The following CEP135 variants were observed in gnomAD, a reference collection of about 807,000 sequenced individuals.
CEP135 encodes centrosomal protein 135, also known as centrosomal protein of 135 kDa.
A neutral mutation model predicts 157.3 loss-of-function variants in CEP135; 142 were observed. The ratio of observed to expected loss-of-function variants is 0.90; its 90% CI spans 0.79 to 1.04. The LOEUF (loss-of-function observed/expected upper bound fraction) is 1.04. Ranked by LOEUF, CEP135 falls within the 50% of genes least tolerant of loss-of-function variation. The pLI is 0.00. For synonymous variants in CEP135, 396 were observed against 439.8 expected (o/e 0.90, Z 1.25); for missense variants, 1,317 against 1,309.2 (o/e 1.01, Z -0.09).
chr4:55,982,890 G>A (rs1278269543), intron 13 of CEP135, among the ~76,000 whole-genome samples: 1 of 151,854 alleles, frequency 6.6e-6, no homozygotes, highest in Non-Finnish European at 1.5e-5. Context: ...TACATATAAA[G>A]CACTTAACAA....
intron 10 of CEP135, among the ~76,000 whole-genome samples, chr4:55,973,146 C>CA (rs1434411530): frequency 1.3e-5 from 2 of 152,188 alleles, no homozygotes; most frequent in Non-Finnish European, 2.9e-5. Flanking sequence ...ATCCCCCTGC[C>CA]AGATACCCAG....
intron 19 of CEP135, 109 bp downstream of exon 19, chr4:56,010,012 A>T: frequency 8.7e-7 from 1 of 1,153,098 alleles, no homozygotes; most frequent in Non-Finnish European, 1.2e-6. Context: ...AATAAGTGAC[A>T]TAAATAATTC....
At chr4:55,961,689 G>A (rs1166543283) in intron 6 of CEP135, among the ~76,000 whole-genome samples, 7 of 146,416 alleles carry the variant, frequency 4.8e-5, no homozygotes, top group African/African-American at 7.6e-5. Context: ...GCTTGAACCC[G>A]GGAGGCAGAG....
Position 56,031,403 on chromosome 4 carries a change from C to G in CEP135, c.*55C>G, listed in dbSNP as rs1299226382. The G allele has an allele frequency of 6.6e-6, 1 of 152,416 alleles. No individual in the cohort carries two copies. Among genetic ancestry groups the G allele is most frequent in the South Asian group, 2.1e-4 (1 of 4,828 alleles). The allele number at this position is 152,416 out of a possible 1,614,324, so 9.4% of individuals were successfully genotyped here. A position where few individuals can be genotyped will look rare whatever the true frequency, so the allele number is the denominator to read the frequency against. Reference sequence around the variant, plus strand: ...GTTCCTATGTGGATTTTTAAAAGAACAGAACAGTAATGAAATATTTGAAGT... The same window carrying G: ...GTTCCTATGTGGATTTTTAAAAGAAGAGAACAGTAATGAAATATTTGAAGT... On this transcript the variant is annotated 3_prime_UTR_variant, in exon 26 of 26. Transcript: ENST00000257287.
At chr4:55,996,121 T>C (rs1195807188) in intron 15 of CEP135, among the ~76,000 whole-genome samples, 1 of 152,144 alleles carries the variant, frequency 6.6e-6, no homozygotes, top group Non-Finnish European at 1.5e-5. Flanking sequence ...TTGATAACCA[T>C]TTTATTTTAT....
At chr4:56,024,060 CATATATT>C (rs1348849087) in intron 24 of CEP135, among the ~76,000 whole-genome samples, 2 of 141,094 alleles carry the variant, frequency 1.4e-5, no homozygotes, top group South Asian at 2.2e-4. Flanking sequence ...ATATATGTTA[CATATATT>C]ATATATTATA....
rs530579298 is a variant in CEP135, at chr4:55,986,737, G to T, written c.1857+1379G>T. On this transcript the variant is annotated intron_variant, in intron 14 of 25. Coordinates refer to ENST00000257287, the MANE Select transcript of CEP135 (RefSeq NM_025009.5). ...TATACTGTGTGATGCTGAGATTTGG[G>T]GTACAATTGATCCCATCACCCAGGT... Among the ~76,000 whole-genome samples, 7 of 152,114 alleles carry T rather than the reference G, an allele frequency of 4.6e-5. No individual in the cohort carries two copies. The South Asian group carries it at 1.5e-3, about 32-fold the overall frequency.
intron 18 of CEP135, among the ~76,000 whole-genome samples, chr4:56,009,162 T>C (rs1730474096): frequency 1.3e-5 from 2 of 152,110 alleles, no homozygotes. Flanking sequence ...TTTGTTGTTG[T>C]TGTTGTTTTT....
chr4:55,980,296 G>C lies in CEP135; in HGVS notation c.1626+1G>C. 1 of 1,478,570 alleles carries C rather than the reference G, an allele frequency of 6.8e-7. No individual in the cohort carries two copies. Among genetic ancestry groups the C allele is most frequent in the Non-Finnish European group, 9.4e-7 (1 of 1,069,376 alleles). The allele number at this position is 1,478,570 out of a possible 1,614,324, so 91.6% of individuals were successfully genotyped here. On this transcript the variant is annotated splice_donor_variant, in intron 12 of 25. Transcript: ENST00000257287. LOFTEE classifies it high-confidence loss of function. Reference sequence around the variant, plus strand: ...TAAACTAAGTGTCTTATATAATGAAGTAAGAAATGTATTATAATTAAGCCA... The same window carrying C: ...TAAACTAAGTGTCTTATATAATGAACTAAGAAATGTATTATAATTAAGCCA...
intron 19 of CEP135, among the ~76,000 whole-genome samples, chr4:56,011,014 G>A (rs1730564159): frequency 6.6e-6 from 1 of 152,016 alleles, no homozygotes; most frequent in African/African-American, 2.4e-5. Context: ...TGGGAGGATT[G>A]CTTGAGCCCA....
intron 3 of CEP135, 85 bp downstream of exon 3, chr4:55,953,360 C>A: frequency 1.9e-6 from 2 of 1,040,996 alleles, no homozygotes; most frequent in Non-Finnish European, 2.7e-6. Flanking sequence ...AATTTTAAAA[C>A]TATTGATTAG....
intron 14 of CEP135, among the ~76,000 whole-genome samples, chr4:55,987,632 C>G (rs1278392431): frequency 6.6e-6 from 1 of 152,118 alleles, no homozygotes; most frequent in Non-Finnish European, 1.5e-5. Flanking sequence ...ATATCTAATC[C>G]AACTTTTTAG....
chr4:56,001,934 T>C (rs1730188333), intron 17 of CEP135, among the ~76,000 whole-genome samples: 1 of 152,170 alleles, frequency 6.6e-6, no homozygotes, highest in Admixed American at 6.5e-5. Context: ...CATCAGTGTT[T>C]TGTAGTTTTC....
intron 13 of CEP135, among the ~76,000 whole-genome samples, chr4:55,982,715 C>T (rs1216506528): frequency 6.6e-6 from 1 of 152,108 alleles, no homozygotes; most frequent in Non-Finnish European, 1.5e-5. Flanking sequence ...TTCTGTGGGT[C>T]ATTTTTTCAC....
intron 5 of CEP135, among the ~76,000 whole-genome samples, chr4:55,958,434 G>A (rs1728572334): frequency 6.6e-6 from 1 of 152,106 alleles, no homozygotes; most frequent in Non-Finnish European, 1.5e-5. Context: ...GACCCTTTGA[G>A]CTACTGATTA....
At position 55,988,935 on chromosome 4, in the gene CEP135, C is replaced by T. The variant is rs1308204193; in HGVS notation, c.1858-2999C>T. On this transcript the variant is annotated intron_variant, in intron 14 of 25. Transcript: ENST00000257287. ...GAGCCGAGATCACGCCACTGCACTCCAGCCTGGGAGACAGAGCAAGACTCC... is the reference window on the plus strand; with the variant it reads ...GAGCCGAGATCACGCCACTGCACTCTAGCCTGGGAGACAGAGCAAGACTCC... Among the ~76,000 whole-genome samples the T allele has an allele frequency of 3.3e-5, 5 of 150,176 alleles. No individual in the cohort carries two copies. In the East Asian group the frequency reaches 9.8e-4, roughly 29 times the overall value.
At chr4:55,954,914 C>G (rs1728461877) in intron 4 of CEP135, among the ~76,000 whole-genome samples, 1 of 152,086 alleles carries the variant, frequency 6.6e-6, no homozygotes, top group South Asian at 2.1e-4. Flanking sequence ...AACCCCACCT[C>G]TACCAAAAAT....
At chr4:56,008,279 T>C in intron 17 of CEP135, 48 bp from the exon 18 acceptor site, 1 of 1,352,748 alleles carries the variant, frequency 7.4e-7, no homozygotes, top group Non-Finnish European at 1.1e-6. Context: ...TAAATTTAGC[T>C]AAAGACATTT....
chr4:55,989,855 A>C (rs2109698488), intron 14 of CEP135, among the ~76,000 whole-genome samples: 1 of 152,334 alleles, frequency 6.6e-6, no homozygotes, highest in East Asian at 1.9e-4. Flanking sequence ...TGTTCCAAAA[A>C]AATTGGTGTT....
Sources: allele counts gnomAD v4.1 joint callset (sites outside exome capture counted in the v4.1 genomes callset), GRCh38; gene constraint gnomAD v4.1.1; transcripts MANE v1.5; gene names NCBI Gene and HGNC (gene_info 2026-07-23, HGNC 2026-07-21).